PTPN6: variants seen among roughly 807,000 people sequenced by gnomAD.
PTPN6 encodes protein tyrosine phosphatase non-receptor type 6, also known as tyrosine-protein phosphatase non-receptor type 6.
A neutral mutation model predicts 81.5 loss-of-function variants in PTPN6; 18 were observed. The ratio of observed to expected loss-of-function variants is 0.22; its 90% CI spans 0.15 to 0.33. PTPN6 has a LOEUF of 0.33. PTPN6 is among the 10% of genes least tolerant of loss of function. The pLI is 1.00. For missense variants in PTPN6, 500 were observed against 794.2 expected (o/e 0.63, Z 4.45); for synonymous variants, 301 against 310.9 (o/e 0.97, Z 0.33).
chr12:6,953,970 T>A (rs1555148172), intron 3 of PTPN6, among the ~76,000 whole-genome samples: 1 of 152,106 alleles, frequency 6.6e-6, no homozygotes, highest in East Asian at 1.9e-4. Flanking sequence ...TCTCACTCTC[T>A]CCCCAGAAGG....
rs782700653 is a variant in PTPN6 at position 6,954,948 on chromosome 12, G to T, written c.470G>T (p.Gly157Val). 1 of 1,614,182 alleles carries T rather than the reference G, an allele frequency of 6.2e-7. No homozygotes were observed. Among genetic ancestry groups the T allele is most frequent in the Admixed American group, 1.7e-5 (1 of 60,030 alleles). ...GTGCTCAGTGACCAGCCCAAGGCTG[G>T]CCCAGGCTCCCCGCTCAGGGTCACC... ...LSVLSDQPKA[G>V]PGSPLRVTHI... Residue 157 changes from glycine to valine, a missense_variant, in exon 4 of 16, where the codon GGC becomes GTC. By Grantham distance (109) the Gly-to-Val change is moderately radical. Around this residue, in one of 6 missense-constraint regions of PTPN6, gnomAD observed 22 missense variants for 16.1 expected, o/e 1.37. Transcript: ENST00000318974. The surrounding 1 kb of genome is among the most constrained non-coding windows in gnomAD (Gnocchi z 5.4).
rs1397942773 is a variant in PTPN6 at position 6,955,865 on chromosome 12, A to AC, written c.844+115dup. On this transcript the variant is annotated intron_variant, in intron 7 of 15. Transcript: ENST00000318974. This position sits in a 1 kb window ranked among gnomAD's most constrained non-coding sequence, Gnocchi z 7.2. ...ACGCCAGGAGGGGCCATCTCCCCAC[A>AC]CCCCCCACAGAGCCTCCCCCTTCTC... 8.7e-6 allele frequency: 8 copies of AC among 918,712 alleles called. No individual in the cohort carries two copies. The Admixed American group carries it at 1.5e-4, about 18-fold the overall frequency. 56.9% of individuals were successfully genotyped at this position (918,712 alleles called of 1,614,324 possible). A position where few individuals can be genotyped will look rare whatever the true frequency, so the allele number is the denominator to read the frequency against.
rs782761838 is a variant in PTPN6, at chr12:6,960,599, C to A, written c.1673+164C>A. 2.0e-6 allele frequency: 3 copies of A among 1,472,630 alleles called. No homozygotes were observed. The highest frequency in any genetic ancestry group is 2.8e-6 in the Non-Finnish European group (3 of 1,076,612). 91.2% of individuals were successfully genotyped at this position (1,472,630 alleles called of 1,614,324 possible). A position where few individuals can be genotyped will look rare whatever the true frequency, so the allele number is the denominator to read the frequency against. ...CATAAGCATTTCCTGAGTGCCCACA[C>A]GTGTGGGCCTCTGCTAGGTACCAGC... On this transcript the variant is annotated intron_variant, in intron 14 of 15. Coordinates refer to ENST00000318974, the MANE Select transcript of PTPN6 (RefSeq NM_002831.6). The surrounding 1 kb of genome is among the most constrained non-coding windows in gnomAD (Gnocchi z 6.1).
chr12:6,960,240 G>A lies in PTPN6; in HGVS notation c.1581+1G>A, dbSNP rs1946107629. 1 of 1,611,132 alleles carries A rather than the reference G, an allele frequency of 6.2e-7. No individual in the cohort carries two copies. Among genetic ancestry groups the A allele is most frequent in the Admixed American group, 1.7e-5 (1 of 59,948 alleles). On this transcript the variant is annotated splice_donor_variant, in intron 13 of 15. Transcript: ENST00000318974. LOFTEE classifies it high-confidence loss of function. The surrounding 1 kb of genome is among the most constrained non-coding windows in gnomAD (Gnocchi z 6.1). ...TAAGAAGAAGCTGGAGGTCCTGCAGGTGCGTGCAGAGCAGGGCCTGGGGGG... is the reference window on the plus strand; with the variant it reads ...TAAGAAGAAGCTGGAGGTCCTGCAGATGCGTGCAGAGCAGGGCCTGGGGGG...
At position 6,957,629 on chromosome 12, in the gene PTPN6, T is replaced by TGCCCC; in HGVS notation, c.1075-25_1075-24insGCCCC. On this transcript the variant is annotated intron_variant, in intron 9 of 15. Transcript: ENST00000318974. This position sits in a 1 kb window ranked among gnomAD's most constrained non-coding sequence, Gnocchi z 6.5. ...CCACAGTGCCCTGCTCTGTGCCTCA[T>TGCCCC]CCCCACCCGACCCTCCCTTTCCAGA... is the stretch of plus-strand genomic sequence containing the variant. 2.0e-5 allele frequency: 31 copies of TGCCCC among 1,521,404 alleles called. No individual in the cohort carries two copies. Among genetic ancestry groups the TGCCCC allele is most frequent in the Non-Finnish European group, 2.5e-5 (28 of 1,105,574 alleles). The allele number at this position is 1,521,404 out of a possible 1,614,324, so 94.2% of individuals were successfully genotyped here.
chr12:6,947,668 CAAAAA>C (rs112544780), upstream of PTPN6, among the ~76,000 whole-genome samples: 5 of 64,780 alleles, frequency 7.7e-5, no homozygotes, highest in African/African-American at 1.2e-4. Context: ...GACCTTGTCT[CAAAAA>C]AAAAAAAAAA....
upstream of PTPN6, among the ~76,000 whole-genome samples, chr12:6,949,853 G>C (rs781863322): frequency 6.0e-4 from 86 of 144,506 alleles, no homozygotes; most frequent in African/African-American, 2.1e-3. Context: ...TCACTCTGTT[G>C]CCCAGGCTGG....
upstream of PTPN6, chr12:6,951,234 C>T (rs1012877293): frequency 1.8e-4 from 253 of 1,425,750 alleles, no homozygotes; most frequent in Admixed American, 2.6e-4. The surrounding 1 kb of genome is among the most constrained non-coding windows in gnomAD (Gnocchi z 7.2). Context: ...GTCCCCACCC[C>T]CAGTGCCACC....
rs782564940 is a variant in PTPN6 at position 6,957,893 on chromosome 12, G to A, written c.1207-26G>A. 32 of 1,613,994 alleles carry A rather than the reference G, an allele frequency of 2.0e-5. No individual in the cohort carries two copies. Among genetic ancestry groups the A allele is most frequent in the Non-Finnish European group, 2.7e-5 (32 of 1,180,006 alleles). On this transcript the variant is annotated intron_variant, in intron 10 of 15. Coordinates refer to ENST00000318974, the MANE Select transcript of PTPN6 (RefSeq NM_002831.6). The surrounding 1 kb of genome is among the most constrained non-coding windows in gnomAD (Gnocchi z 6.5). ...ATGAGGTGTTCCGAGAGAGGAGGGG[G>A]CACTGACCCTATGTCCTCGGCTTAG...
rs886372902 is a variant in PTPN6, at chr12:6,956,010, C to T, written c.845-132C>T. On this transcript the variant is annotated intron_variant, in intron 7 of 15. Transcript: ENST00000318974. This position sits in a 1 kb window ranked among gnomAD's most constrained non-coding sequence, Gnocchi z 4.1. The stretch of plus-strand genomic sequence containing the variant: ...CCATACAGATGATCCCCCACCCCTG[C>T]TGCCCACAGTCCCCCGCAAGCCTCA... The T allele has an allele frequency of 2.1e-6, 2 of 955,446 alleles. No homozygotes were observed. Among genetic ancestry groups the T allele is most frequent in the Non-Finnish European group, 3.3e-6 (2 of 604,884 alleles). 59.2% of individuals were successfully genotyped at this position (955,446 alleles called of 1,614,324 possible).
Position 6,952,057 on chromosome 12 carries a change from T to C in PTPN6, c.206T>C (p.Phe69Ser). The C allele has an allele frequency of 6.2e-7, 1 of 1,614,106 alleles. No individual in the cohort carries two copies. The stretch of plus-strand genomic sequence containing the variant: ...TATGACCTGTATGGAGGGGAGAAGT[T>C]TGCGACTCTGACAGAGCTGGTGGAG... ...DFYDLYGGEKFATLTELVEYY... is the reference protein window; with the variant it reads ...DFYDLYGGEKSATLTELVEYY... The change falls in exon 3 of 16, where the codon TTT becomes TCT. Residue 69 changes from phenylalanine (F) to serine (S), a missense_variant. This residue lies in a region of PTPN6 where 98 missense variants were observed against 199.2 expected (regional missense o/e 0.49). Coordinates refer to ENST00000318974, the MANE Select transcript of PTPN6 (RefSeq NM_002831.6). The surrounding 1 kb of genome is among the most constrained non-coding windows in gnomAD (Gnocchi z 8.1).
At position 6,959,626 on chromosome 12, in the gene PTPN6, G is replaced by T; in HGVS notation, c.1362-301G>T. 3.6e-6 allele frequency: 2 copies of T among 554,138 alleles called. No individual in the cohort carries two copies. The highest frequency in any genetic ancestry group is 6.5e-6 in the Non-Finnish European group (2 of 307,372). The allele number at this position is 554,138 out of a possible 1,614,324, so 34.3% of individuals were successfully genotyped here. On this transcript the variant is annotated intron_variant, in intron 11 of 15. Transcript: ENST00000318974. This position sits in a 1 kb window ranked among gnomAD's most constrained non-coding sequence, Gnocchi z 6.6. ...CAGTGGTGGGATTTGGGGGTCCCAG[G>T]TCTTCCGGGGTGGGGGCAGCCACTC...
At chr12:6,949,083 T>C (rs1232260010), upstream of PTPN6, among the ~76,000 whole-genome samples, 1 of 152,140 alleles carries the variant, frequency 6.6e-6, no homozygotes, top group Admixed American at 6.5e-5. Context: ...GCACATCTTG[T>C]CACTGTCGGC....
rs1946046264 is a variant in PTPN6, at chr12:6,957,167, C to T, written c.1075-487C>T. 6.6e-6 allele frequency among the ~76,000 whole-genome samples: 1 copy of T among 152,366 alleles called. No homozygotes were observed. Among genetic ancestry groups the T allele is most frequent in the South Asian group, 2.1e-4 (1 of 4,832 alleles). ...TTCTGCTAGGAAATGACTCTCTCCA[C>T]ACTATCTCTGCCTGGCAGATGCCTC... On this transcript the variant is annotated intron_variant, in intron 9 of 15. Transcript: ENST00000318974. This position sits in a 1 kb window ranked among gnomAD's most constrained non-coding sequence, Gnocchi z 6.5.
At position 6,957,592 on chromosome 12, in the gene PTPN6, AC is replaced by A. The variant is rs1267207736; in HGVS notation, c.1075-60del. 4.4e-6 allele frequency: 7 copies of A among 1,588,264 alleles called. No individual in the cohort carries two copies. The Admixed American group carries it at 5.1e-5, about 12-fold the overall frequency. ...CCAGGCACTCAGAACATAGAGCAGG[AC>A]CTGGGATGGGCCACAGTGCCCTGCT... On this transcript the variant is annotated intron_variant, in intron 9 of 15. Coordinates refer to ENST00000318974, the MANE Select transcript of PTPN6 (RefSeq NM_002831.6). The surrounding 1 kb of genome is among the most constrained non-coding windows in gnomAD (Gnocchi z 6.5).
In PTPN6 at chr12:6,957,951, G is replaced by T. The variant is rs1946061537; in HGVS notation, c.1239G>T (p.Gln413His). The T allele has an allele frequency of 6.2e-7, 1 of 1,613,826 alleles. No individual in the cohort carries two copies. The highest frequency in any genetic ancestry group is 1.7e-5 in the Admixed American group (1 of 60,008). The change falls in exon 11 of 16, where the codon CAG (glutamine) becomes CAT (histidine). Residue 413 changes from glutamine to histidine, a missense_variant. Gln to His is a conservative substitution (Grantham distance 24). Around this residue, in one of 6 missense-constraint regions of PTPN6, gnomAD observed 226 missense variants for 364.4 expected, o/e 0.62. Transcript: ENST00000318974. This position sits in a 1 kb window ranked among gnomAD's most constrained non-coding sequence, Gnocchi z 6.5. ...GDLIREIWHY[Q>H]YLSWPDHGVP... ...TGATTCGGGAGATCTGGCATTACCA[G>T]TACCTGAGCTGGCCCGACCATGGGG... is the stretch of plus-strand genomic sequence containing the variant.
rs1037155959 is a variant in PTPN6, at chr12:6,952,412, C to T, written c.326+235C>T. On this transcript the variant is annotated intron_variant, in intron 3 of 15. Coordinates refer to ENST00000318974, the MANE Select transcript of PTPN6 (RefSeq NM_002831.6). This position sits in a 1 kb window ranked among gnomAD's most constrained non-coding sequence, Gnocchi z 8.1. The stretch of plus-strand genomic sequence containing the variant: ...CCGAGGAAGCCACAGAAAGCTGCCT[C>T]GCCCTACTCCGGGAGCCCTGGCCGC... The T allele has an allele frequency of 1.5e-5, 9 of 592,370 alleles. No individual in the cohort carries two copies. Among genetic ancestry groups the T allele is most frequent in the South Asian group, 2.0e-5 (1 of 50,536 alleles). 36.7% of individuals were successfully genotyped at this position (592,370 alleles called of 1,614,324 possible).
At chr12:6,961,004 C>T in intron 15 of PTPN6, 59 bp downstream of exon 15, 20 of 1,547,060 alleles carry the variant, frequency 1.3e-5, no homozygotes, top group Admixed American at 2.0e-5. Flanking sequence ...GGCTCCACTG[C>T]CTTCCCTGGG....
At position 6,955,038 on chromosome 12, in the gene PTPN6, T is replaced by C; in HGVS notation, c.516+44T>C. On this transcript the variant is annotated intron_variant, in intron 4 of 15. Coordinates refer to ENST00000318974, the MANE Select transcript of PTPN6 (RefSeq NM_002831.6). This position sits in a 1 kb window ranked among gnomAD's most constrained non-coding sequence, Gnocchi z 7.2. ...GGGGGAGCCTCTGCTGAGGCTCCTG[T>C]CTGTGACCACAGTGTGGGTGGCAGG... 1 of 1,611,252 alleles carries C rather than the reference T, an allele frequency of 6.2e-7. No individual in the cohort carries two copies. The highest frequency in any genetic ancestry group is 8.5e-7 in the Non-Finnish European group (1 of 1,177,528).
Sources: allele counts gnomAD v4.1 joint callset (sites outside exome capture counted in the v4.1 genomes callset), GRCh38; gene constraint gnomAD v4.1.1; regional missense constraint gnomAD v4.1.1; non-coding constraint Gnocchi (gnomAD v3.1); transcripts MANE v1.5; gene names NCBI Gene and HGNC (gene_info 2026-07-23, HGNC 2026-07-21).